PTPRG: variants seen among roughly 807,000 people sequenced by gnomAD.
PTPRG encodes protein tyrosine phosphatase receptor type G.
PTPRG carries 102 observed loss-of-function variants against 165.3 expected under a neutral mutation model. The observed-to-expected ratio is 0.62, with a 90% CI of 0.53 to 0.73. PTPRG has a LOEUF of 0.73. Among genes scored for constraint, PTPRG ranks in the 30% least tolerant of loss-of-function variants. The pLI is 0.00. For synonymous variants in PTPRG, 675 were observed against 669.5 expected (o/e 1.01, Z -0.13); for missense variants, 1,866 against 1,861.4 (o/e 1.00, Z -0.05).
Position 62,228,673 on chromosome 3 carries a change from A to G in PTPRG, c.2289-2552A>G, listed in dbSNP as rs1700823672. 6.6e-6 allele frequency among the ~76,000 whole-genome samples: 1 copy of G among 152,220 alleles called. No homozygotes were observed. Among genetic ancestry groups the G allele is most frequent in the Non-Finnish European group, 1.5e-5 (1 of 68,040 alleles). On this transcript the variant is annotated intron_variant, in intron 13 of 29. Transcript: ENST00000474889. This position sits in a 1 kb window ranked among gnomAD's most constrained non-coding sequence, Gnocchi z 4.1. ...ACTGCCCTTCCTTTATGCAAAGCAAAGTCCACTGTTAACGGGTAGAATCAG... is the reference window on the plus strand; with the variant it reads ...ACTGCCCTTCCTTTATGCAAAGCAAGGTCCACTGTTAACGGGTAGAATCAG...
At chr3:61,804,343 A>G (rs2035344654) in intron 2 of PTPRG, among the ~76,000 whole-genome samples, 1 of 152,186 alleles carries the variant, frequency 6.6e-6, no homozygotes. Flanking sequence ...TCAGAACTAG[A>G]TTGTATCCTC....
intron 1 of PTPRG, among the ~76,000 whole-genome samples, chr3:61,722,564 G>C (rs1297788753): frequency 6.6e-6 from 1 of 152,136 alleles, no homozygotes; most frequent in African/African-American, 2.4e-5. Flanking sequence ...TGGGCTTTTG[G>C]AACTCTGTTT....
chr3:61,804,278 C>G (rs1292509975), intron 2 of PTPRG, among the ~76,000 whole-genome samples: 3 of 152,150 alleles, frequency 2.0e-5, no homozygotes, highest in Non-Finnish European at 2.9e-5. Context: ...CCAGAACTAC[C>G]TTTGTTCTCT....
chr3:62,149,908 C>T (rs1265040661), intron 6 of PTPRG, among the ~76,000 whole-genome samples: 2 of 152,172 alleles, frequency 1.3e-5, no homozygotes, highest in African/African-American at 2.4e-5. Context: ...TCTTTTCCTT[C>T]TGTTTTCCCT....
chr3:61,728,825 C>G (rs1156269770), intron 1 of PTPRG, among the ~76,000 whole-genome samples: 1 of 149,124 alleles, frequency 6.7e-6, no homozygotes, highest in Non-Finnish European at 1.5e-5. Context: ...TTGCTTGAGC[C>G]CACGAGTTCG....
At chr3:61,716,514 G>T (rs995594675) in intron 1 of PTPRG, among the ~76,000 whole-genome samples, 12 of 151,988 alleles carry the variant, frequency 7.9e-5, no homozygotes, top group African/African-American at 2.9e-4. Flanking sequence ...TAAAGAAAGT[G>T]GTATATTTAT....
intron 6 of PTPRG, among the ~76,000 whole-genome samples, chr3:62,144,716 C>A (rs1406071054): frequency 6.6e-6 from 1 of 152,136 alleles, no homozygotes; most frequent in African/African-American, 2.4e-5. Flanking sequence ...TCCACCATTT[C>A]CTGGATTTCA....
intron 1 of PTPRG, among the ~76,000 whole-genome samples, chr3:61,670,810 A>G (rs2107065531): frequency 1.3e-5 from 2 of 152,294 alleles, no homozygotes; most frequent in Admixed American, 1.3e-4. Context: ...TCTTTAAGAT[A>G]TAATTAAGTA....
intron 4 of PTPRG, among the ~76,000 whole-genome samples, chr3:62,070,230 T>G (rs1391512297): frequency 6.6e-6 from 1 of 152,244 alleles, no homozygotes; most frequent in Non-Finnish European, 1.5e-5. Context: ...AATCTGTATT[T>G]AGCAGAACCA....
intron 2 of PTPRG, among the ~76,000 whole-genome samples, chr3:61,979,946 C>G (rs1486581231): frequency 6.6e-6 from 1 of 150,908 alleles, no homozygotes; most frequent in African/African-American, 2.4e-5. Context: ...TTTTTTTCCT[C>G]TCAGCCTTTA....
chr3:61,699,841 G>T (rs994025832), intron 1 of PTPRG, among the ~76,000 whole-genome samples: 1 of 152,190 alleles, frequency 6.6e-6, no homozygotes, highest in Non-Finnish European at 1.5e-5. Flanking sequence ...AAGCCTAAAA[G>T]AATGATTTGC....
At chr3:61,609,379 T>G (rs974398237) in intron 1 of PTPRG, among the ~76,000 whole-genome samples, 3 of 152,216 alleles carry the variant, frequency 2.0e-5, no homozygotes, top group Non-Finnish European at 4.4e-5. Context: ...TTGTGCTGTT[T>G]GCTGATTTTT....
At chr3:61,932,656 C>CAG (rs2039389932) in intron 2 of PTPRG, among the ~76,000 whole-genome samples, 2 of 152,104 alleles carry the variant, frequency 1.3e-5, no homozygotes, top group Admixed American at 6.6e-5. Flanking sequence ...CATGGAAGCC[C>CAG]AGAGAGGTCA....
At chr3:61,624,365 G>T (rs112307220) in intron 1 of PTPRG, among the ~76,000 whole-genome samples, 2 of 152,270 alleles carry the variant, frequency 1.3e-5, no homozygotes, top group African/African-American at 4.8e-5. Flanking sequence ...ATGCCAGTAG[G>T]GATGGTCAGT....
chr3:61,839,736 A>G (rs1045434147), intron 2 of PTPRG, among the ~76,000 whole-genome samples: 1 of 152,250 alleles, frequency 6.6e-6, no homozygotes, highest in African/African-American at 2.4e-5. Flanking sequence ...TAAAATCGCA[A>G]TTAATTACAT....
At chr3:62,226,400 A>C (rs1402295952) in intron 13 of PTPRG, among the ~76,000 whole-genome samples, 1 of 152,242 alleles carries the variant, frequency 6.6e-6, no homozygotes, top group Non-Finnish European at 1.5e-5. Flanking sequence ...GTGAAAGAAA[A>C]CTTAAGAAAC....
At chr3:62,280,330 C>T (rs1702387079) in intron 26 of PTPRG, among the ~76,000 whole-genome samples, 1 of 151,902 alleles carries the variant, frequency 6.6e-6, no homozygotes, top group South Asian at 2.1e-4. Context: ...GATACAAAAT[C>T]TCCTCAGGGT....
chr3:62,069,479 C>G (rs1428152084), intron 4 of PTPRG, among the ~76,000 whole-genome samples: 1 of 152,108 alleles, frequency 6.6e-6, no homozygotes, highest in African/African-American at 2.4e-5. Context: ...TGATAGAGTT[C>G]AGAGCTCAAA....
chr3:61,998,672 C>A (rs1406587933), intron 3 of PTPRG, among the ~76,000 whole-genome samples: 1 of 152,224 alleles, frequency 6.6e-6, no homozygotes. Flanking sequence ...GTAGCCACGG[C>A]TATGGACTGT....
Sources: allele counts gnomAD v4.1 joint callset (sites outside exome capture counted in the v4.1 genomes callset), GRCh38; gene constraint gnomAD v4.1.1; non-coding constraint Gnocchi (gnomAD v3.1); transcripts MANE v1.5; gene names NCBI Gene and HGNC (gene_info 2026-07-23, HGNC 2026-07-21).